Variants in LRP1B observed in about 807,000 individuals in gnomAD.
LRP1B encodes the protein LDL receptor related protein 1B.
Under a neutral mutation model 556.6 loss-of-function variants are expected in LRP1B, and 217 were observed. The ratio of observed to expected loss-of-function variants is 0.39; its 90% confidence interval spans 0.35 to 0.44. LRP1B has a LOEUF of 0.44. LRP1B is among the 20% of genes least tolerant of loss of function. The pLI, the probability that LRP1B is intolerant of heterozygous loss-of-function variation, is 1.00. For synonymous variants in LRP1B, 2,047 were observed against 1,865.8 expected (o/e 1.10, Z -2.50); for missense variants, 5,053 against 5,620.8 (o/e 0.90, Z 3.23).
At chr2:141,806,578 C>A (rs1044995850) in intron 2 of LRP1B, among the ~76,000 whole-genome samples, 1 of 152,002 alleles carries the variant, frequency 6.6e-6, no homozygotes, top group Non-Finnish European at 1.5e-5. Context: ...CAACCTCACA[C>A]AACAGTTTTC....
chr2:140,457,461 A>G lies in LRP1B; in HGVS notation c.9814+2T>C, dbSNP rs776385232. The G allele has an allele frequency of 1.3e-6, 2 of 1,596,626 alleles. No homozygotes were observed. On this transcript the variant is annotated splice_donor_variant, in intron 61 of 90. Coordinates refer to ENST00000389484, the MANE Select transcript of LRP1B (RefSeq NM_018557.3). LOFTEE classifies it high-confidence loss of function. ...TATGGAAATCATGGAAAGAATAATT[A>G]CCATCAGGTTGTCTATAAGAATGAT...
At chr2:141,030,424 T>C (rs1458547171) in intron 11 of LRP1B, among the ~76,000 whole-genome samples, 2 of 152,242 alleles carry the variant, frequency 1.3e-5, no homozygotes, top group South Asian at 2.1e-4. Context: ...AACCTTGCAA[T>C]TTGAAATTCC....
intron 51 of LRP1B, among the ~76,000 whole-genome samples, chr2:140,510,529 G>A (rs1020565213): frequency 1.3e-5 from 2 of 152,104 alleles, no homozygotes; most frequent in African/African-American, 4.8e-5. Context: ...AGAAAACTGA[G>A]GCTCGGGGAA....
At chr2:141,032,826 C>T (rs4954873) in intron 11 of LRP1B, among the ~76,000 whole-genome samples, 2,882 of 126,196 alleles carry the variant, frequency 0.023, 75 homozygotes, top group Non-Finnish European at 0.029. Flanking sequence ...TATATACATA[C>T]ATATATATAT....
chr2:140,316,707 G>A (rs1684532910), intron 82 of LRP1B, among the ~76,000 whole-genome samples: 1 of 151,454 alleles, frequency 6.6e-6, no homozygotes, highest in Non-Finnish European at 1.5e-5. Context: ...GTTAACTCAG[G>A]TTTGTATGAC....
intron 2 of LRP1B, among the ~76,000 whole-genome samples, chr2:141,680,955 C>A (rs1691079781): frequency 6.6e-6 from 1 of 151,982 alleles, no homozygotes; most frequent in South Asian, 2.1e-4. Flanking sequence ...TGCATTTTGC[C>A]ACAAACTCAG....
At chr2:140,305,214 G>A (rs1265920598) in intron 83 of LRP1B, among the ~76,000 whole-genome samples, 2 of 152,132 alleles carry the variant, frequency 1.3e-5, no homozygotes, top group Admixed American at 6.5e-5. Flanking sequence ...TAGCTTAATG[G>A]GGATGGCATT....
intron 3 of LRP1B, among the ~76,000 whole-genome samples, chr2:141,334,007 G>A (rs1388985593): frequency 2.0e-5 from 3 of 151,924 alleles, no homozygotes; most frequent in African/African-American, 7.3e-5. Context: ...CCAAAACTAG[G>A]GTCTTAAAGA....
At chr2:141,146,815 G>T (rs1380496893) in intron 7 of LRP1B, among the ~76,000 whole-genome samples, 3 of 152,102 alleles carry the variant, frequency 2.0e-5, no homozygotes, top group Admixed American at 2.0e-4. Context: ...AGAGGACTGG[G>T]ATTACTATGA....
intron 77 of LRP1B, among the ~76,000 whole-genome samples, chr2:140,349,302 T>C (rs1283358038): frequency 6.6e-6 from 1 of 152,132 alleles, no homozygotes; most frequent in Non-Finnish European, 1.5e-5. Context: ...TGTTTATCAA[T>C]TGTAAAATGC....
chr2:141,594,213 C>T (rs1687436630), intron 2 of LRP1B, among the ~76,000 whole-genome samples: 2 of 152,032 alleles, frequency 1.3e-5, no homozygotes, highest in Admixed American at 1.3e-4. Context: ...GAGAGCTTTC[C>T]TTTTGCTTCA....
intron 11 of LRP1B, among the ~76,000 whole-genome samples, chr2:141,043,720 G>T (rs905016799): frequency 2.0e-5 from 3 of 151,786 alleles, no homozygotes; most frequent in African/African-American, 7.3e-5. Flanking sequence ...TGCACTAGTG[G>T]AATACATGTA....
In LRP1B at chr2:140,968,741, A is replaced by G. The variant is rs930718031; in HGVS notation, c.2887+13419T>C. Reference sequence around the variant, plus strand: ...TCTGGTATGTTGTGTCTTTGTTCTCATTGGTTTCAAAGAACATCTTTATTT... The same window carrying G: ...TCTGGTATGTTGTGTCTTTGTTCTCGTTGGTTTCAAAGAACATCTTTATTT... On this transcript the variant is annotated intron_variant, in intron 18 of 90. Coordinates refer to ENST00000389484, the MANE Select transcript of LRP1B (RefSeq NM_018557.3). 2.5e-4 allele frequency among the ~76,000 whole-genome samples: 38 copies of G among 151,956 alleles called. 1 individual carries two copies. Among genetic ancestry groups the G allele is most frequent in the Admixed American group, 1.6e-3 (25 of 15,250 alleles).
At chr2:141,588,018 T>C (rs1030292789) in intron 2 of LRP1B, among the ~76,000 whole-genome samples, 3 of 152,228 alleles carry the variant, frequency 2.0e-5, no homozygotes, top group Admixed American at 2.0e-4. Context: ...AATCAAAATA[T>C]GTATATGAAA....
chr2:140,282,152 G>A (rs1240647718), intron 84 of LRP1B, among the ~76,000 whole-genome samples: 1 of 151,746 alleles, frequency 6.6e-6, no homozygotes, highest in African/African-American at 2.4e-5. Flanking sequence ...TCATGCCCAA[G>A]ATTATGTCAT....
intron 49 of LRP1B, among the ~76,000 whole-genome samples, chr2:140,523,258 T>C (rs1040844687): frequency 6.6e-6 from 1 of 152,024 alleles, no homozygotes; most frequent in African/African-American, 2.4e-5. Flanking sequence ...TCAATAAGTA[T>C]GATTCACTAC....
chr2:142,059,661 C>A (rs1258193397), intron 1 of LRP1B, among the ~76,000 whole-genome samples: 2 of 152,010 alleles, frequency 1.3e-5, no homozygotes, highest in Non-Finnish European at 2.9e-5. Flanking sequence ...GTAAGAAATA[C>A]ATTTATCTTA....
intron 1 of LRP1B, among the ~76,000 whole-genome samples, chr2:141,925,594 T>C (rs1700313901): frequency 6.6e-6 from 1 of 152,224 alleles, no homozygotes; most frequent in South Asian, 2.1e-4. Flanking sequence ...GAAATGACCC[T>C]GGTTGAAACC....
intron 1 of LRP1B, among the ~76,000 whole-genome samples, chr2:141,992,908 C>T (rs1435609): frequency 0.43 from 64,982 of 151,930 alleles, 14,949 homozygotes; most frequent in African/African-American, 0.6. Flanking sequence ...ACTGTAATTT[C>T]AGCAAGTACC....
Sources: gnomAD v4.1 joint callset for allele counts (sites outside exome capture counted in the v4.1 genomes callset) on GRCh38, gnomAD v4.1.1 for gene constraint, MANE v1.5 for transcripts, NCBI Gene and HGNC (gene_info 2026-07-23, HGNC 2026-07-21) for gene names.